Variants in OR8G1 observed in about 807,000 individuals in gnomAD.
OR8G1 encodes olfactory receptor family 8 subfamily G member 1.
For synonymous variants in OR8G1, 129 were observed against 133.3 expected (o/e 0.97, Z 0.22); for missense variants, 372 against 356.2 (o/e 1.04, Z -0.36).
At chr11:124,248,255 C>T (rs1861831830) in intron 2 of OR8G1, among the ~76,000 whole-genome samples, 1 of 151,684 alleles carries the variant, frequency 6.6e-6, no homozygotes, top group Non-Finnish European at 1.5e-5. Context: ...AATAAAAGCC[C>T]TTTTTCAGAT....
chr11:124,250,056 T>C lies in OR8G1; in HGVS notation c.381T>C (p.Cys127=), dbSNP rs774288634. The C allele has an allele frequency of 1.2e-6, 2 of 1,613,886 alleles. No individual in the cohort carries two copies. The highest frequency in any genetic ancestry group is 2.2e-5 in the South Asian group (2 of 91,080). The change falls in exon 3 of 3, where the codon TGT becomes TGC. Residue 127 remains cysteine (C), a synonymous_variant. Transcript: ENST00000641972. ...CGTATGACCGTTACATGGCCATCTGTAGCCCCTTGCTGTACAGTGTCATCA... is the reference window on the plus strand; with the variant it reads ...CGTATGACCGTTACATGGCCATCTGCAGCCCCTTGCTGTACAGTGTCATCA... ...AMAYDRYMAI[C]SPLLYSVIIS...
At chr11:124,243,684 C>A (rs1016257808) in intron 1 of OR8G1, among the ~76,000 whole-genome samples, 4 of 151,940 alleles carry the variant, frequency 2.6e-5, no homozygotes, top group African/African-American at 9.7e-5. Context: ...CCATTTTAAT[C>A]TTAACTAAAT....
In OR8G1 at chr11:124,253,589, T is replaced by C. The variant is rs1388892677; in HGVS notation, c.*2978T>C. ...ACATATATATTACCTAACATATTTA[T>C]TTGTGTGTGTGTGGTGAGAACACTA... On this transcript the variant is annotated 3_prime_UTR_variant, in exon 3 of 3. Coordinates refer to ENST00000641972, the MANE Select transcript of OR8G1 (RefSeq NM_001002905.2). 1.3e-5 allele frequency: 2 copies of C among 152,190 alleles called. No homozygotes were observed. Among genetic ancestry groups the C allele is most frequent in the African/African-American group, 2.4e-5 (1 of 41,440 alleles). The allele number at this position is 152,190 out of a possible 1,614,324, so 9.4% of individuals were successfully genotyped here.
In OR8G1 at chr11:124,241,251, A is replaced by G. The variant is rs1429503529; in HGVS notation, c.-210A>G. ...AGAATGCTGGGTGTCTATGACTCTC[A>G]ACACCAACATTAATGCCATGTCAGG... On this transcript the variant is annotated 5_prime_UTR_variant, in exon 1 of 3. Transcript: ENST00000641972. The G allele has an allele frequency of 3.9e-5, 6 of 152,062 alleles. No homozygotes were observed. The highest frequency in any genetic ancestry group is 1.4e-4 in the African/African-American group (6 of 41,432). The allele number at this position is 152,062 out of a possible 1,614,324, so 9.4% of individuals were successfully genotyped here.
At chr11:124,247,701 C>CAGAG (rs66488278) in intron 1 of OR8G1, 100 bp from the exon 2 acceptor site, 74,261 of 150,940 alleles carry the variant, frequency 0.49, 18,609 homozygotes, top group South Asian at 0.7. Flanking sequence ...GCATATAAGA[C>CAGAG]AGAGAGAGGA....
Position 124,248,706 on chromosome 11 carries a change from G to A in OR8G1, c.-17+826G>A, listed in dbSNP as rs112264597. Among the ~76,000 whole-genome samples, 1,367 of 151,654 alleles carry A rather than the reference G, an allele frequency of 9.0e-3. 29 individuals are homozygous for A. The highest frequency in any genetic ancestry group is 0.031 in the African/African-American group (1,298 of 41,376). Reference sequence around the variant, plus strand: ...TATTCTAAATGTATGCCTGTTTTTTGTACTTCTTCCTAATTCACAAAAGTT... The same window carrying A: ...TATTCTAAATGTATGCCTGTTTTTTATACTTCTTCCTAATTCACAAAAGTT... On this transcript the variant is annotated intron_variant, in intron 2 of 2. Coordinates refer to ENST00000641972, the MANE Select transcript of OR8G1 (RefSeq NM_001002905.2).
chr11:124,243,717 A>G (rs1390096178), intron 1 of OR8G1, among the ~76,000 whole-genome samples: 2 of 152,018 alleles, frequency 1.3e-5, no homozygotes, highest in Non-Finnish European at 2.9e-5. Context: ...TGTTAACAGG[A>G]TAGAATTAGA....
Position 124,251,511 on chromosome 11 carries a change from C to A in OR8G1, c.*900C>A. 1 of 502,954 alleles carries A rather than the reference C, an allele frequency of 2.0e-6. No homozygotes were observed. The highest frequency in any genetic ancestry group is 3.3e-6 in the Non-Finnish European group (1 of 303,798). 31.2% of individuals were successfully genotyped at this position (502,954 alleles called of 1,614,324 possible). ...TGGTAACATTCTGACCTATTCTATG[C>A]TAAGATGTATGTGTATTTGTTCTGT... On this transcript the variant is annotated 3_prime_UTR_variant, in exon 3 of 3. Transcript: ENST00000641972.
intron 2 of OR8G1, among the ~76,000 whole-genome samples, 195 bp from the exon 3 acceptor site, chr11:124,249,465 G>A (rs1388937533): frequency 6.6e-6 from 1 of 151,864 alleles, no homozygotes; most frequent in African/African-American, 2.4e-5. Flanking sequence ...TGATAAAAAT[G>A]GCTAAAATAT....
At chr11:124,248,078 A>G (rs933255804) in intron 2 of OR8G1, among the ~76,000 whole-genome samples, 198 bp downstream of exon 2, 17 of 151,988 alleles carry the variant, frequency 1.1e-4, no homozygotes, top group Non-Finnish European at 2.4e-4. Flanking sequence ...GCAGAGCTGT[A>G]TCACTATGGT....
Position 124,250,499 on chromosome 11 carries a change from CTG to C in OR8G1, c.828_829del (p.Phe277LeufsTer14), listed in dbSNP as rs1329340564. 1 of 1,613,606 alleles carries C rather than the reference CTG, an allele frequency of 6.2e-7. No homozygotes were observed. Among genetic ancestry groups the C allele is most frequent in the South Asian group, 1.1e-5 (1 of 91,090 alleles). ...TCCATGGACCAGGGGAAAGTATCCTCTGTGTTTTATACTATTATTGTGCCCAT... is the reference window on the plus strand; with the variant it reads ...TCCATGGACCAGGGGAAAGTATCCTCTGTTTTATACTATTATTGTGCCCAT... On this transcript the variant is annotated frameshift_variant, in exon 3 of 3. Transcript: ENST00000641972. LOFTEE classifies it low-confidence loss of function (END_TRUNC).
intron 1 of OR8G1, among the ~76,000 whole-genome samples, chr11:124,246,867 T>TA (rs71038481): frequency 3.1e-5 from 1 of 32,188 alleles, no homozygotes; most frequent in Non-Finnish European, 5.1e-5. Flanking sequence ...AAGAAATAGC[T>TA]AAAAAAAAAA....
At position 124,252,942 on chromosome 11, in the gene OR8G1, A is replaced by C. The variant is rs1861878072; in HGVS notation, c.*2331A>C. On this transcript the variant is annotated 3_prime_UTR_variant, in exon 3 of 3. Coordinates refer to ENST00000641972, the MANE Select transcript of OR8G1 (RefSeq NM_001002905.2). ...TGTCACACAGGACAGCCATCTTGGG[A>C]AACATCATATGCACTTCTGAGGAAG... 6.6e-6 allele frequency: 1 copy of C among 152,166 alleles called. No individual in the cohort carries two copies. The highest frequency in any genetic ancestry group is 2.4e-5 in the African/African-American group (1 of 41,456). 9.4% of individuals were successfully genotyped at this position (152,166 alleles called of 1,614,324 possible). A position where few individuals can be genotyped will look rare whatever the true frequency, so the allele number is the denominator to read the frequency against.
At position 124,241,380 on chromosome 11, in the gene OR8G1, C is replaced by T. The variant is rs553901108; in HGVS notation, c.-97+16C>T. The T allele has an allele frequency of 1.3e-5, 2 of 152,212 alleles. No homozygotes were observed. Among genetic ancestry groups the T allele is most frequent in the East Asian group, 1.9e-4 (1 of 5,166 alleles). The allele number at this position is 152,212 out of a possible 1,614,324, so 9.4% of individuals were successfully genotyped here. On this transcript the variant is annotated intron_variant, in intron 1 of 2. Coordinates refer to ENST00000641972, the MANE Select transcript of OR8G1 (RefSeq NM_001002905.2). ...CAGTGGAAAGGTGAGTGTTTTCATC[C>T]ATCACTTGTGATTTGAGACTATTAG...
Position 124,241,356 on chromosome 11 carries a change from A to G in OR8G1, c.-105A>G. The G allele has an allele frequency of 6.6e-6, 1 of 152,168 alleles. No individual in the cohort carries two copies. The highest frequency in any genetic ancestry group is 1.9e-4 in the East Asian group (1 of 5,174). 9.4% of individuals were successfully genotyped at this position (152,168 alleles called of 1,614,324 possible). On this transcript the variant is annotated 5_prime_UTR_variant, in exon 1 of 3. Coordinates refer to ENST00000641972, the MANE Select transcript of OR8G1 (RefSeq NM_001002905.2). ...AAATCAAGCATTGAAGTTTTTAGGC[A>G]GTGGAAAGGTGAGTGTTTTCATCCA...
chr11:124,247,062 A>G (rs896221507), intron 1 of OR8G1, among the ~76,000 whole-genome samples: 3 of 151,808 alleles, frequency 2.0e-5, no homozygotes, highest in Non-Finnish European at 1.5e-5. Flanking sequence ...TGTACACATT[A>G]GAAAAGAATA....
chr11:124,253,529 GT>G lies in OR8G1; in HGVS notation c.*2919del, dbSNP rs1320669371. 1 of 152,102 alleles carries G rather than the reference GT, an allele frequency of 6.6e-6. No individual in the cohort carries two copies. The highest frequency in any genetic ancestry group is 1.9e-4 in the East Asian group (1 of 5,204). The allele number at this position is 152,102 out of a possible 1,614,324, so 9.4% of individuals were successfully genotyped here. On this transcript the variant is annotated 3_prime_UTR_variant, in exon 3 of 3. Coordinates refer to ENST00000641972, the MANE Select transcript of OR8G1 (RefSeq NM_001002905.2). The stretch of plus-strand genomic sequence containing the variant: ...TACAAGTTATTTTGAATGTGTGTGT[GT>G]GTGTATAGCGAAATGCCTAAATTGA...
At chr11:124,241,589 G>A (rs11219525) in intron 1 of OR8G1, among the ~76,000 whole-genome samples, 77,602 of 151,806 alleles carry the variant, frequency 0.51, 20,460 homozygotes, top group South Asian at 0.7. Flanking sequence ...CTCAGTCAAA[G>A]AAAATGTGCT....
intron 1 of OR8G1, among the ~76,000 whole-genome samples, chr11:124,244,015 GAAA>G (rs1861786429): frequency 6.7e-6 from 1 of 149,998 alleles, no homozygotes; most frequent in African/African-American, 2.5e-5. Context: ...AGAGAACAAG[GAAA>G]GGATGGAGAG....
Sources: gnomAD v4.1 joint callset for allele counts (sites outside exome capture counted in the v4.1 genomes callset) on GRCh38, gnomAD v4.1.1 for gene constraint, MANE v1.5 for transcripts, NCBI Gene and HGNC (gene_info 2026-07-23, HGNC 2026-07-21) for gene names.